The following FOXP1 variants were observed in gnomAD, a reference collection of about 807,000 sequenced individuals.
FOXP1 encodes forkhead box protein P1.
A neutral mutation model predicts 98.2 loss-of-function variants in FOXP1; 15 were observed. The ratio of observed to expected loss-of-function variants is 0.15; its 90% CI spans 0.10 to 0.24. The LOEUF is 0.24. FOXP1 is among the 10% of genes least tolerant of loss of function. The pLI is 1.00. For missense variants in FOXP1, 633 were observed against 848.5 expected, an observed-to-expected ratio of 0.75 and a Z score of 3.15; for synonymous variants, 371 against 314.5, an observed-to-expected ratio of 1.18 and a Z score of -1.90.
intron 4 of FOXP1, among the ~76,000 whole-genome samples, chr3:71,321,320 T>C (rs1275417287): frequency 6.6e-6 from 1 of 152,162 alleles, no homozygotes; most frequent in Non-Finnish European, 1.5e-5. Flanking sequence ...GAAAGAGTTG[T>C]CATGGGACAA....
chr3:71,338,166 T>A (rs1002702256), intron 4 of FOXP1, among the ~76,000 whole-genome samples: 8 of 152,120 alleles, frequency 5.3e-5, no homozygotes, highest in African/African-American at 1.9e-4. Flanking sequence ...TTCACACAGA[T>A]CAAAGTGAGA....
chr3:71,499,986 G>A (rs552129241), intron 2 of FOXP1, among the ~76,000 whole-genome samples: 11 of 152,182 alleles, frequency 7.2e-5, no homozygotes, highest in African/African-American at 9.6e-5. Context: ...TGTCTTTAGC[G>A]CTAAGTTCTA....
intron 4 of FOXP1, among the ~76,000 whole-genome samples, chr3:71,329,427 T>C (rs1340277559): frequency 6.8e-6 from 1 of 146,120 alleles, no homozygotes; most frequent in East Asian, 2.1e-4. Flanking sequence ...TTCACTGTGT[T>C]AGCTAGGATG....
At chr3:71,335,372 G>C (rs79246612) in intron 4 of FOXP1, 1 of 152,158 alleles carries the variant, frequency 6.6e-6, no homozygotes, top group African/African-American at 2.4e-5. Flanking sequence ...AACTGGTAGT[G>C]GAAGTATTTA....
chr3:71,524,204 A>C (rs906783814), intron 2 of FOXP1, among the ~76,000 whole-genome samples: 12 of 152,140 alleles, frequency 7.9e-5, no homozygotes, highest in African/African-American at 2.4e-4. Flanking sequence ...TCTCTAGTAA[A>C]AATACAAAAT....
chr3:71,400,473 T>TC (rs1312154355), intron 3 of FOXP1, among the ~76,000 whole-genome samples: 2 of 152,128 alleles, frequency 1.3e-5, no homozygotes, highest in Non-Finnish European at 2.9e-5. Context: ...TTCTCGTGCC[T>TC]CAGCCTCCTG....
rs1267418013 is a variant in FOXP1 at position 71,041,334 on chromosome 3, C to T, written c.863G>A (p.Arg288Lys). 1 of 1,613,382 alleles carries T rather than the reference C, an allele frequency of 6.2e-7. No homozygotes were observed. The highest frequency in any genetic ancestry group is 8.5e-7 in the Non-Finnish European group (1 of 1,179,706). ...CTCAGTGGCTGGTTCCTACCTTTCC[C>T]TTTTGGGAGTGTGGACTGAGAGCTG... ...NGQLSVHTPK[R>K]ESLSHEEHPH... Residue 288 changes from arginine (R) to lysine (K), a missense_variant, in exon 11 of 21, where the codon AGG becomes AAG. Transcript: ENST00000649528.
At chr3:71,165,109 C>T (rs918972287) in intron 6 of FOXP1, among the ~76,000 whole-genome samples, 1 of 151,854 alleles carries the variant, frequency 6.6e-6, no homozygotes, top group African/African-American at 2.4e-5. Flanking sequence ...GAAACAAGGA[C>T]TGAAACAAAA....
At chr3:71,226,472 G>C (rs1350520236) in intron 5 of FOXP1, among the ~76,000 whole-genome samples, 1 of 149,742 alleles carries the variant, frequency 6.7e-6, no homozygotes, top group Middle Eastern at 3.5e-3. Context: ...GAAAATGCCC[G>C]TCACCTATGC....
At chr3:71,389,259 GGGGC>G in intron 3 of FOXP1, among the ~76,000 whole-genome samples, 1 of 99,756 alleles carries the variant, frequency 1.0e-5, no homozygotes, top group African/African-American at 3.8e-5. Flanking sequence ...GGGGCCGGGG[GGGGC>G]GGGTTATAAA....
intron 5 of FOXP1, among the ~76,000 whole-genome samples, chr3:71,280,383 C>T (rs375056330): frequency 2.0e-5 from 3 of 150,234 alleles, no homozygotes; most frequent in African/African-American, 7.4e-5. Flanking sequence ...TGCAGTGGTG[C>T]GATCTCAGCT....
chr3:71,059,699 T>C (rs1263643133), intron 7 of FOXP1, among the ~76,000 whole-genome samples: 1 of 152,182 alleles, frequency 6.6e-6, no homozygotes, highest in Non-Finnish European at 1.5e-5. Context: ...TTAAACATGC[T>C]AATGGCATTT....
At chr3:71,407,424 A>G (rs1246014248) in intron 3 of FOXP1, among the ~76,000 whole-genome samples, 1 of 152,194 alleles carries the variant, frequency 6.6e-6, no homozygotes, top group Non-Finnish European at 1.5e-5. Flanking sequence ...AATTAAACAC[A>G]TATGGCTCAA....
At chr3:71,515,956 T>A (rs774036571) in intron 2 of FOXP1, among the ~76,000 whole-genome samples, 5 of 152,250 alleles carry the variant, frequency 3.3e-5, no homozygotes, top group Non-Finnish European at 7.3e-5. Context: ...GAATGGCCAG[T>A]GTCGTTCATC....
intron 6 of FOXP1, among the ~76,000 whole-genome samples, chr3:71,163,369 G>A (rs939595516): frequency 1.3e-5 from 2 of 152,104 alleles, no homozygotes; most frequent in Non-Finnish European, 2.9e-5. Context: ...GTGAATTCTG[G>A]TCACCCTTTC....
intron 17 of FOXP1, among the ~76,000 whole-genome samples, chr3:70,974,305 TTTTC>T (rs2037026761): frequency 6.6e-6 from 1 of 152,202 alleles, no homozygotes; most frequent in Non-Finnish European, 1.5e-5. Flanking sequence ...CAGTTTTTTT[TTTTC>T]TTTTTTTGAA....
intron 11 of FOXP1, among the ~76,000 whole-genome samples, chr3:71,037,212 T>A (rs1201604820): frequency 6.6e-6 from 1 of 152,204 alleles, no homozygotes; most frequent in Admixed American, 6.5e-5. Context: ...TGAGTTCTTG[T>A]CCCTTTCCCT....
At chr3:71,429,748 G>C (rs184429083) in intron 3 of FOXP1, among the ~76,000 whole-genome samples, 9 of 152,212 alleles carry the variant, frequency 5.9e-5, no homozygotes, top group African/African-American at 1.9e-4. Context: ...CGAGGAACTC[G>C]TCTTCAAGAA....
At chr3:71,169,904 C>T (rs931767782) in intron 6 of FOXP1, among the ~76,000 whole-genome samples, 1 of 152,066 alleles carries the variant, frequency 6.6e-6, no homozygotes, top group African/African-American at 2.4e-5. Flanking sequence ...TTGCAACCTC[C>T]ATCATATTTA....
Sources: allele counts gnomAD v4.1 joint callset (sites outside exome capture counted in the v4.1 genomes callset), GRCh38; gene constraint gnomAD v4.1.1; transcripts MANE v1.5; gene names NCBI Gene and HGNC (gene_info 2026-07-23, HGNC 2026-07-21).